The following RPAP3 variants were observed in gnomAD, a reference collection of about 807,000 sequenced individuals.
RPAP3 encodes the protein RNA polymerase II associated protein 3.
RPAP3 carries 58 observed loss-of-function variants against 88.8 expected under a neutral mutation model. The observed-to-expected ratio is 0.65, with a 90% confidence interval of 0.53 to 0.81. The LOEUF (loss-of-function observed/expected upper bound fraction) is 0.81. Among genes scored for constraint, RPAP3 ranks in the 40% least tolerant of loss-of-function variants. The probability of loss-of-function intolerance (pLI) is 0.00; values close to 1 mark genes in which losing one functional copy is unlikely to be tolerated. For missense variants in RPAP3, 751 were observed against 764.3 expected (o/e 0.98, Z 0.20); for synonymous variants, 255 against 259.9 (o/e 0.98, Z 0.18).
intron 1 of RPAP3, 120 bp downstream of exon 1, chr12:47,705,832 A>G (rs1017315232): frequency 1.3e-5 from 2 of 159,968 alleles, no homozygotes; most frequent in African/African-American, 2.4e-5. Flanking sequence ...GCGCGCCTCC[A>G]CCGCCAGCCC....
At position 47,661,666 on chromosome 12, in the gene RPAP3, G is replaced by A. The variant is rs150432850; in HGVS notation, c.*1839C>T. On this transcript the variant is annotated 3_prime_UTR_variant, in exon 17 of 17. Coordinates refer to ENST00000005386, the MANE Select transcript of RPAP3 (RefSeq NM_024604.3). ...AAATCTTGTGATCTGTACTTCTTCA[G>A]TTAACAGTCTCTACACAGGTAACAC... The A allele has an allele frequency of 6.6e-6, 1 of 152,174 alleles. No individual in the cohort carries two copies. The highest frequency in any genetic ancestry group is 1.9e-4 in the East Asian group (1 of 5,172). 9.4% of individuals were successfully genotyped at this position (152,174 alleles called of 1,614,324 possible). A position where few individuals can be genotyped will look rare whatever the true frequency, so the allele number is the denominator to read the frequency against.
chr12:47,697,566 T>A (rs758567604), intron 4 of RPAP3, 31 bp downstream of exon 4: 1 of 1,573,590 alleles, frequency 6.4e-7, no homozygotes, highest in East Asian at 2.3e-5. Flanking sequence ...CCTGCTTACA[T>A]GAAAAAAAAC....
intron 10 of RPAP3, among the ~76,000 whole-genome samples, chr12:47,680,689 T>C (rs1430896155): frequency 3.3e-5 from 5 of 151,852 alleles, no homozygotes; most frequent in Admixed American, 1.3e-4. Context: ...GAGAACCAAG[T>C]TGGTTCTCTG....
intron 3 of RPAP3, among the ~76,000 whole-genome samples, chr12:47,698,914 G>T (rs1443022777): frequency 6.6e-6 from 1 of 152,082 alleles, no homozygotes; most frequent in African/African-American, 2.4e-5. Context: ...GAAAAAAATT[G>T]CTTATAAAAA....
At chr12:47,668,638 T>G (rs964924057) in intron 14 of RPAP3, among the ~76,000 whole-genome samples, 1 of 152,168 alleles carries the variant, frequency 6.6e-6, no homozygotes, top group Non-Finnish European at 1.5e-5. Context: ...TCAATGTATT[T>G]TAGGGTTTTT....
In RPAP3 at chr12:47,661,357, T is replaced by C. The variant is rs980488795; in HGVS notation, c.*2148A>G. 9.1e-6 allele frequency: 1 copy of C among 109,724 alleles called. No individual in the cohort carries two copies. The highest frequency in any genetic ancestry group is 2.0e-5 in the Non-Finnish European group (1 of 50,000). 6.8% of individuals were successfully genotyped at this position (109,724 alleles called of 1,614,324 possible). On this transcript the variant is annotated 3_prime_UTR_variant, in exon 17 of 17. Transcript: ENST00000005386. ...TTATTCTAATCACTTTTAGGAAATG[T>C]TGGTAATTGTAATAATAATAGTAAC...
intron 14 of RPAP3, 113 bp downstream of exon 14, chr12:47,668,803 A>G: frequency 4.0e-6 from 3 of 758,046 alleles, no homozygotes; most frequent in Non-Finnish European, 6.5e-6. Flanking sequence ...GTATTCTACA[A>G]TAATTTCTAC....
At chr12:47,695,183 C>T (rs187552934) in intron 5 of RPAP3, among the ~76,000 whole-genome samples, 2 of 152,170 alleles carry the variant, frequency 1.3e-5, no homozygotes, top group East Asian at 3.9e-4. Flanking sequence ...AATCCAGCAA[C>T]ACAAGAATAG....
intron 2 of RPAP3, among the ~76,000 whole-genome samples, chr12:47,702,206 A>G (rs1436651626): frequency 2.6e-5 from 4 of 152,204 alleles, no homozygotes; most frequent in Non-Finnish European, 4.4e-5. Flanking sequence ...ATATGGTAAT[A>G]TATTTAATTA....
chr12:47,684,696 A>G (rs1939288074), intron 9 of RPAP3, among the ~76,000 whole-genome samples: 1 of 152,254 alleles, frequency 6.6e-6, no homozygotes, highest in Non-Finnish European at 1.5e-5. Flanking sequence ...TTATAAATGC[A>G]TATATAATCT....
chr12:47,667,913 A>T, intron 14 of RPAP3, 62 bp from the exon 15 acceptor site: 1 of 1,068,936 alleles, frequency 9.4e-7, no homozygotes, highest in Non-Finnish European at 1.4e-6. Context: ...CAAATTACAC[A>T]ACAATTGCTT....
chr12:47,683,873 C>T (rs906304917), intron 9 of RPAP3, among the ~76,000 whole-genome samples: 3 of 152,138 alleles, frequency 2.0e-5, no homozygotes, highest in African/African-American at 7.2e-5. Context: ...TTAAGTGAAC[C>T]ACCCTCTACT....
chr12:47,699,452 AAG>A (rs1380489486), intron 3 of RPAP3: 1 of 152,230 alleles, frequency 6.6e-6, no homozygotes, highest in Non-Finnish European at 1.5e-5. Flanking sequence ...TGATAAATTC[AAG>A]ACTCAAAATT....
chr12:47,702,384 A>T (rs893162814), intron 2 of RPAP3, among the ~76,000 whole-genome samples: 50 of 142,002 alleles, frequency 3.5e-4, no homozygotes, highest in Non-Finnish European at 7.1e-4. Context: ...CGTCTCTACT[A>T]AAAAAAAAAA....
rs570146445 is a variant in RPAP3 at position 47,667,516 on chromosome 12, A to G, written c.1811+238T>C. Among the ~76,000 whole-genome samples, 5 of 152,338 alleles carry G rather than the reference A, an allele frequency of 3.3e-5. No individual in the cohort carries two copies. In the South Asian group the frequency reaches 1.0e-3, roughly 32 times the overall value. ...AACTTCCCAAATCATTGGAAATAGC[A>G]TAGCATCATAAGAGTACAGTAAATT... On this transcript the variant is annotated intron_variant, in intron 15 of 16. Coordinates refer to ENST00000005386, the MANE Select transcript of RPAP3 (RefSeq NM_024604.3).
chr12:47,689,974 G>A (rs568569409), intron 6 of RPAP3, among the ~76,000 whole-genome samples: 5 of 151,368 alleles, frequency 3.3e-5, no homozygotes, highest in East Asian at 3.9e-4. Context: ...CCCGGGAGGC[G>A]GAGGTTGCTG....
rs1938943189 is a variant in RPAP3 at position 47,669,111 on chromosome 12, T to C, written c.1527-9A>G. On this transcript the variant is annotated splice_polypyrimidine_tract_variant and intron_variant, in intron 13 of 16. Transcript: ENST00000005386. ...TCAAACTGGCTTGAGGTCTGAAATA[T>C]TTCAGAGGTATCAAACAGAAAAGAA... 1.3e-6 allele frequency: 2 copies of C among 1,599,042 alleles called. No individual in the cohort carries two copies. Among genetic ancestry groups the C allele is most frequent in the African/African-American group, 1.3e-5 (1 of 74,532 alleles).
At chr12:47,693,677 C>G (rs1174773465) in intron 5 of RPAP3, among the ~76,000 whole-genome samples, 1 of 152,148 alleles carries the variant, frequency 6.6e-6, no homozygotes, top group Non-Finnish European at 1.5e-5. Context: ...CTTGGTATTA[C>G]ATACAGGTCT....
At chr12:47,679,971 G>A (rs1241019238) in intron 10 of RPAP3, among the ~76,000 whole-genome samples, 197 bp from the exon 11 acceptor site, 2 of 152,116 alleles carry the variant, frequency 1.3e-5, no homozygotes, top group African/African-American at 2.4e-5. Context: ...GAATGTTCAC[G>A]TAACCCTCAC....
Sources: gnomAD v4.1 joint callset for allele counts (sites outside exome capture counted in the v4.1 genomes callset) on GRCh38, gnomAD v4.1.1 for gene constraint, MANE v1.5 for transcripts, NCBI Gene and HGNC (gene_info 2026-07-23, HGNC 2026-07-21) for gene names.